Variants in ABCB11 observed in about 807,000 individuals in gnomAD.
ABCB11 encodes the protein ATP binding cassette subfamily B member 11, also known as bile salt export pump.
ABCB11 carries 95 observed loss-of-function variants against 148.0 expected under a neutral mutation model. That is an observed-to-expected ratio of 0.64 (90% CI 0.54 to 0.76). ABCB11 has a LOEUF of 0.76. ABCB11 is among the 30% of genes least tolerant of loss of function. The pLI, the probability that ABCB11 is intolerant of heterozygous loss-of-function variation, is 0.00. For missense variants in ABCB11, 1,523 were observed against 1,617.8 expected (o/e 0.94, Z 1.01); for synonymous variants, 591 against 555.4 (o/e 1.06, Z -0.90).
intron 21 of ABCB11, among the ~76,000 whole-genome samples, chr2:168,943,602 C>T (rs1163583743): frequency 1.3e-5 from 2 of 151,968 alleles, no homozygotes; most frequent in Admixed American, 6.6e-5. Context: ...TAGAGTGTAA[C>T]CCTAAGTCTA....
intron 2 of ABCB11, among the ~76,000 whole-genome samples, chr2:169,017,325 A>G (rs892182788): frequency 5.3e-5 from 8 of 151,816 alleles, no homozygotes; most frequent in African/African-American, 1.9e-4. Context: ...GTCAGAATAG[A>G]TGCAGGGCAG....
intron 9 of ABCB11, 107 bp from the exon 10 acceptor site, chr2:168,986,391 G>T: frequency 4.1e-6 from 4 of 979,270 alleles, no homozygotes; most frequent in South Asian, 1.5e-5. Context: ...TAAAATCATC[G>T]CAAACACAGA....
Position 168,923,627 on chromosome 2 carries a change from T to C in ABCB11, c.3961A>G (p.Ser1321Gly), listed in dbSNP as rs752097540. The part of the protein sequence containing the change: ...YKLVTTGSPI[S>G] ...TCTGAGATTCTTGCATTGGGTCAACTGATGGGGGATCCAGTGGTGACTAGT... is the reference window on the plus strand; with the variant it reads ...TCTGAGATTCTTGCATTGGGTCAACCGATGGGGGATCCAGTGGTGACTAGT... Residue 1321 changes from serine to glycine, a missense_variant, in exon 28 of 28, where the codon AGT becomes GGT. Physicochemically the swap from Ser to Gly is moderately conservative, Grantham distance 56 (BLOSUM62 0). Coordinates refer to ENST00000650372, the MANE Select transcript of ABCB11 (RefSeq NM_003742.4). 6.2e-7 allele frequency: 1 copy of C among 1,613,862 alleles called. No homozygotes were observed. The highest frequency in any genetic ancestry group is 8.5e-7 in the Non-Finnish European group (1 of 1,179,846).
chr2:168,956,802 T>C (rs1447459366), intron 19 of ABCB11, among the ~76,000 whole-genome samples: 1 of 151,616 alleles, frequency 6.6e-6, no homozygotes, highest in African/African-American at 2.4e-5. Flanking sequence ...TTTAGGCAGC[T>C]CTTCATGTCA....
At chr2:169,008,747 G>A (rs1354239509) in intron 5 of ABCB11, among the ~76,000 whole-genome samples, 1 of 152,146 alleles carries the variant, frequency 6.6e-6, no homozygotes, top group African/African-American at 2.4e-5. Flanking sequence ...TCCTAGAATA[G>A]TTAAACATAG....
chr2:168,992,119 G>C (rs1694547957), intron 8 of ABCB11, among the ~76,000 whole-genome samples: 1 of 150,868 alleles, frequency 6.6e-6, no homozygotes, highest in Non-Finnish European at 1.5e-5. Context: ...GAAGTTGCTT[G>C]TATAGTTTGT....
At position 168,988,559 on chromosome 2, in the gene ABCB11, T is replaced by C. The variant is rs116119982; in HGVS notation, c.908+2242A>G. On this transcript the variant is annotated intron_variant, in intron 9 of 27. Coordinates refer to ENST00000650372, the MANE Select transcript of ABCB11 (RefSeq NM_003742.4). ...GATTCCATACCTTGGCTATTGTGAA[T>C]AATGTTGCAGTGAATGTAAGAGTAC... Among the ~76,000 whole-genome samples, 1,484 of 152,266 alleles carry C rather than the reference T, an allele frequency of 9.7e-3. 25 individuals carry two copies. Among genetic ancestry groups the C allele is most frequent in the African/African-American group, 0.032 (1,314 of 41,568 alleles).
chr2:169,006,915 T>A lies in ABCB11; in HGVS notation c.389+6357A>T, dbSNP rs527959136. Reference sequence around the variant, plus strand: ...ATAAATTAAAGCAGACGCAAATAAGTGGATCACGAATCAGAAGACTTAATA... The same window carrying A: ...ATAAATTAAAGCAGACGCAAATAAGAGGATCACGAATCAGAAGACTTAATA... On this transcript the variant is annotated intron_variant, in intron 5 of 27. Coordinates refer to ENST00000650372, the MANE Select transcript of ABCB11 (RefSeq NM_003742.4). Among the ~76,000 whole-genome samples, 10 of 152,218 alleles carry A rather than the reference T, an allele frequency of 6.6e-5. No individual in the cohort carries two copies. The South Asian group carries it at 2.1e-3, about 32-fold the overall frequency.
rs1050458382 is a variant in ABCB11 at position 168,982,654 on chromosome 2, C to T, written c.1084-2675G>A. Among the ~76,000 whole-genome samples, 6 of 152,186 alleles carry T rather than the reference C, an allele frequency of 3.9e-5. No homozygotes were observed. The East Asian group carries it at 5.8e-4, about 15-fold the overall frequency. ...CAGCCAGTAACGATTTTGTGTATCACAAAACGTACTGGATTAACCAAACCG... is the reference window on the plus strand; with the variant it reads ...CAGCCAGTAACGATTTTGTGTATCATAAAACGTACTGGATTAACCAAACCG... On this transcript the variant is annotated intron_variant, in intron 10 of 27. Transcript: ENST00000650372.
intron 21 of ABCB11, among the ~76,000 whole-genome samples, chr2:168,941,799 C>T (rs961228252): frequency 3.3e-5 from 5 of 151,986 alleles, no homozygotes; most frequent in Non-Finnish European, 7.4e-5. Flanking sequence ...CTTCAGCAAC[C>T]ACCACCGTGG....
At position 168,972,029 on chromosome 2, in the gene ABCB11, T is replaced by A; in HGVS notation, c.1456A>T (p.Ile486Phe). 1 of 1,612,732 alleles carries A rather than the reference T, an allele frequency of 6.2e-7. No individual in the cohort carries two copies. Among genetic ancestry groups the A allele is most frequent in the Non-Finnish European group, 8.5e-7 (1 of 1,179,218 alleles). ...AGCCACTGAATGTTAAGAGAGCGAATGTCATGGCCATCCACGGTCACCTAG... is the reference window on the plus strand; with the variant it reads ...AGCCACTGAATGTTAAGAGAGCGAAAGTCATGGCCATCCACGGTCACCTAG... The part of the protein sequence containing the change: ...EGMVTVDGHD[I>F]RSLNIQWLRD... Residue 486 changes from isoleucine (I) to phenylalanine (F), a missense_variant, in exon 14 of 28, where the codon ATT (isoleucine) becomes TTT (phenylalanine). By Grantham distance (21) the Ile-to-Phe change is conservative (BLOSUM62 0). Transcript: ENST00000650372.
intron 21 of ABCB11, among the ~76,000 whole-genome samples, chr2:168,937,707 A>AT (rs749399174): frequency 1.1e-4 from 17 of 152,210 alleles, no homozygotes; most frequent in Non-Finnish European, 2.2e-4. Flanking sequence ...CTATAATTAT[A>AT]TTTTTGAAGT....
chr2:168,932,883 G>A (rs1431676746), intron 23 of ABCB11, among the ~76,000 whole-genome samples: 1 of 152,082 alleles, frequency 6.6e-6, no homozygotes, highest in African/African-American at 2.4e-5. Flanking sequence ...GCCGAGGCGG[G>A]CGGATCACGA....
At chr2:168,948,333 C>G (rs922763949) in intron 19 of ABCB11, among the ~76,000 whole-genome samples, 4 of 151,784 alleles carry the variant, frequency 2.6e-5, no homozygotes, top group African/African-American at 7.2e-5. Flanking sequence ...ACACTAACAT[C>G]ATTGCCCAGT....
At chr2:168,938,978 T>C (rs1034963680) in intron 21 of ABCB11, among the ~76,000 whole-genome samples, 1 of 152,074 alleles carries the variant, frequency 6.6e-6, no homozygotes, top group African/African-American at 2.4e-5. Flanking sequence ...TTTTCACTTA[T>C]CAATGGTACA....
intron 5 of ABCB11, among the ~76,000 whole-genome samples, chr2:169,012,794 A>G (rs1695228249): frequency 6.6e-6 from 1 of 151,888 alleles, no homozygotes; most frequent in Non-Finnish European, 1.5e-5. Flanking sequence ...GGTTGAGACT[A>G]GTGTACCTTA....
chr2:168,998,146 T>C (rs890891704), intron 5 of ABCB11, among the ~76,000 whole-genome samples: 44 of 152,086 alleles, frequency 2.9e-4, no homozygotes, highest in African/African-American at 1.0e-3. Context: ...ACAGAGAGTA[T>C]ACTATATTAT....
chr2:169,007,602 C>A (rs1208848662), intron 5 of ABCB11, among the ~76,000 whole-genome samples: 1 of 152,146 alleles, frequency 6.6e-6, no homozygotes, highest in African/African-American at 2.4e-5. Context: ...GTAATGTTCA[C>A]GACCTTGGAT....
chr2:168,972,881 T>C (rs902874348), intron 13 of ABCB11, among the ~76,000 whole-genome samples: 2 of 152,038 alleles, frequency 1.3e-5, no homozygotes, highest in Admixed American at 6.6e-5. Context: ...TGAATGACCC[T>C]AGACAAGTTT....
Sources: gnomAD v4.1 joint callset for allele counts (sites outside exome capture counted in the v4.1 genomes callset) on GRCh38, gnomAD v4.1.1 for gene constraint, MANE v1.5 for transcripts, NCBI Gene and HGNC (gene_info 2026-07-23, HGNC 2026-07-21) for gene names.